Variants in HIVEP2 observed in about 807,000 individuals in gnomAD.
HIVEP2 encodes transcription factor HIVEP2.
A neutral mutation model predicts 180.7 loss-of-function variants in HIVEP2; 14 were observed. The observed-to-expected ratio is 0.08, with a 90% CI of 0.05 to 0.12. HIVEP2 has a LOEUF of 0.12. HIVEP2 is among the 10% of genes least tolerant of loss of function. The probability of loss-of-function intolerance (pLI) is 1.00; values close to 1 mark genes in which losing one functional copy is unlikely to be tolerated. For synonymous variants in HIVEP2, 1,184 were observed against 1,136.4 expected (o/e 1.04, Z -0.84); for missense variants, 2,579 against 3,008.5 (o/e 0.86, Z 3.34).
chr6:142,754,012 T>TCACCCATTCACA, intron 9 of HIVEP2, 81 bp from the exon 10 acceptor site: 1 of 697,130 alleles, frequency 1.4e-6, no homozygotes, highest in East Asian at 2.6e-5. Context: ...ATTCATTCAC[T>TCACCCATTCACA]CACCCATTCA....
At chr6:142,859,297 G>C (rs1028744632) in intron 1 of HIVEP2, among the ~76,000 whole-genome samples, 2 of 151,794 alleles carry the variant, frequency 1.3e-5, no homozygotes, top group Non-Finnish European at 2.9e-5. Context: ...GGGAGACTCC[G>C]TCTCTACAAA....
chr6:142,904,241 C>A (rs951259188), intron 1 of HIVEP2, among the ~76,000 whole-genome samples: 1 of 152,200 alleles, frequency 6.6e-6, no homozygotes, highest in African/African-American at 2.4e-5. Flanking sequence ...TTGTTCCCCA[C>A]TTGTCACACT....
chr6:142,901,823 C>A (rs1345597899), intron 1 of HIVEP2, among the ~76,000 whole-genome samples: 2 of 152,096 alleles, frequency 1.3e-5, no homozygotes. Context: ...TTCGTCTTAA[C>A]CAGAACAGCA....
At chr6:142,775,156 C>T in intron 4 of HIVEP2, 31 bp from the exon 5 acceptor site, 1 of 639,644 alleles carries the variant, frequency 1.6e-6, no homozygotes, top group Non-Finnish European at 1.9e-6. Context: ...AAGAGATTGT[C>T]ATAACAGTTT....
At chr6:142,855,824 C>A (rs1394501438) in intron 1 of HIVEP2, among the ~76,000 whole-genome samples, 1 of 152,100 alleles carries the variant, frequency 6.6e-6, no homozygotes, top group Admixed American at 6.5e-5. Context: ...CACAGATTTC[C>A]AAAATCTCAG....
At chr6:142,876,874 A>ACACG (rs1366795355) in intron 1 of HIVEP2, among the ~76,000 whole-genome samples, 2 of 151,954 alleles carry the variant, frequency 1.3e-5, no homozygotes, top group Non-Finnish European at 2.9e-5. Context: ...ACACACACAC[A>ACACG]CACACACAAA....
At position 142,774,261 on chromosome 6, in the gene HIVEP2, G is replaced by C. The variant is rs200228489; in HGVS notation, c.478C>G (p.Pro160Ala). The C allele has an allele frequency of 2.2e-5, 36 of 1,614,156 alleles. No individual in the cohort carries two copies. In the Middle Eastern group the frequency reaches 8.2e-4, roughly 37 times the overall value. The change falls in exon 5 of 10, where the codon CCT becomes GCT. Residue 160 changes from proline to alanine, a missense_variant. Coordinates refer to ENST00000367603, the MANE Select transcript of HIVEP2 (RefSeq NM_006734.4). The surrounding 1 kb of genome is among the most constrained non-coding windows in gnomAD (Gnocchi z 5.1). ...TTCTGGGAGTATTGGCTATAAGCAGGGTTCAGACTTGAAATCTTTTTTCTA... is the reference window on the plus strand; with the variant it reads ...TTCTGGGAGTATTGGCTATAAGCAGCGTTCAGACTTGAAATCTTTTTTCTA... Reference protein sequence around the residue: ...YPRKKISSLNPAYSQYSQKSI... With the variant: ...YPRKKISSLNAAYSQYSQKSI...
At position 142,753,692 on chromosome 6, in the gene HIVEP2, T is replaced by C. The variant is rs1323548986; in HGVS notation, c.6756A>G (p.Thr2252=). 1 of 1,614,018 alleles carries C rather than the reference T, an allele frequency of 6.2e-7. No homozygotes were observed. The highest frequency in any genetic ancestry group is 8.5e-7 in the Non-Finnish European group (1 of 1,179,990). ...CAAAGCCCTCCATTGGCAGGGGCAA[T>C]GTGGGTGAAGGATGTAAACTGGAAA... ...PALSSLHPSP[T]LPLPMEGFEE... is the part of the protein sequence containing the mutation. The change falls in exon 10 of 10, where the codon ACA becomes ACG. Residue 2252 remains threonine, a synonymous_variant. Transcript: ENST00000367603.
intron 1 of HIVEP2, among the ~76,000 whole-genome samples, chr6:142,916,312 T>C (rs1314100471): frequency 2.6e-5 from 4 of 152,206 alleles, no homozygotes; most frequent in African/African-American, 9.6e-5. Context: ...CATCCCCATG[T>C]CTGAACAACT....
intron 1 of HIVEP2, among the ~76,000 whole-genome samples, chr6:142,862,308 G>T (rs1006017911): frequency 6.6e-6 from 1 of 151,390 alleles, no homozygotes; most frequent in African/African-American, 2.4e-5. Flanking sequence ...TATTGCATTT[G>T]CTACATTAGC....
At chr6:142,835,387 A>C (rs1003614539) in intron 2 of HIVEP2, among the ~76,000 whole-genome samples, 3 of 152,188 alleles carry the variant, frequency 2.0e-5, no homozygotes, top group Non-Finnish European at 2.9e-5. Flanking sequence ...AGGTACCACC[A>C]ATTTAAATGT....
chr6:142,819,457 C>T (rs1001418085), intron 2 of HIVEP2, among the ~76,000 whole-genome samples: 1 of 151,880 alleles, frequency 6.6e-6, no homozygotes, highest in Non-Finnish European at 1.5e-5. Flanking sequence ...TAATGTTTTC[C>T]AAAAGGAAAA....
chr6:142,780,756 T>C (rs1260470215), intron 3 of HIVEP2, among the ~76,000 whole-genome samples: 2 of 152,180 alleles, frequency 1.3e-5, no homozygotes, highest in East Asian at 3.9e-4. Context: ...GTTTGAAAGT[T>C]TCTCTGCTAC....
chr6:142,901,372 C>T (rs1342389146), intron 1 of HIVEP2, among the ~76,000 whole-genome samples: 1 of 152,142 alleles, frequency 6.6e-6, no homozygotes, highest in East Asian at 1.9e-4. Flanking sequence ...ATTCTGATTA[C>T]TATTTTTCAA....
At chr6:142,848,115 C>T (rs1045326427) in intron 1 of HIVEP2, among the ~76,000 whole-genome samples, 1 of 152,154 alleles carries the variant, frequency 6.6e-6, no homozygotes, top group African/African-American at 2.4e-5. Flanking sequence ...ATCCTAACAA[C>T]ATAAGGATTC....
chr6:142,866,789 T>C (rs107118), intron 1 of HIVEP2, among the ~76,000 whole-genome samples: 96,278 of 152,044 alleles, frequency 0.63, 30,949 homozygotes, highest in African/African-American at 0.68. Flanking sequence ...TTCATTTTAC[T>C]CTAATGGGGT....
chr6:142,772,974 T>G lies in HIVEP2; in HGVS notation c.1765A>C (p.Met589Leu), dbSNP rs1441033756. Residue 589 changes from methionine to leucine, a missense_variant, in exon 5 of 10, where the codon ATG becomes CTG. By Grantham distance (15) the Met-to-Leu change is conservative (BLOSUM62 2). This residue lies in a region of HIVEP2 where 524 missense variants were observed against 563.6 expected (regional missense o/e 0.93). Transcript: ENST00000367603. The surrounding 1 kb of genome is among the most constrained non-coding windows in gnomAD (Gnocchi z 4.9). ...PGTVGIPPQR[M>L]LRRQAAFELP... ...TCAAATGCCGCTTGTCTTCTTAGCA[T>G]GCGCTGAGGGGGTATGCCCACGGTC... 6.2e-7 allele frequency: 1 copy of G among 1,614,196 alleles called. No homozygotes were observed. The highest frequency in any genetic ancestry group is 8.5e-7 in the Non-Finnish European group (1 of 1,180,040).
In HIVEP2 at chr6:142,945,150, G is replaced by A. The variant is rs1464544374; in HGVS notation, c.-692C>T. 7 of 149,676 alleles carry A rather than the reference G, an allele frequency of 4.7e-5. No homozygotes were observed. The highest frequency in any genetic ancestry group is 4.0e-4 in the Admixed American group (6 of 15,098). The allele number at this position is 149,676 out of a possible 1,614,324, so 9.3% of individuals were successfully genotyped here. On this transcript the variant is annotated 5_prime_UTR_variant, in exon 1 of 10. Coordinates refer to ENST00000367603, the MANE Select transcript of HIVEP2 (RefSeq NM_006734.4). This position sits in a 1 kb window ranked among gnomAD's most constrained non-coding sequence, Gnocchi z 5.5. ...GCAGCCGCAGCGGTGGCCGGGCCGT[G>A]CGCGCCGGTGCACGTCGCTCATTAG...
At position 142,769,891 on chromosome 6, in the gene HIVEP2, G is replaced by A. The variant is rs13205157; in HGVS notation, c.4848C>T (p.Ser1616=). 33 of 1,613,944 alleles carry A rather than the reference G, an allele frequency of 2.0e-5. No homozygotes were observed. The highest frequency in any genetic ancestry group is 1.1e-4 in the East Asian group (5 of 44,892). ...GMLVRMASAP[S]GNVADSTLLL... ...GAAGAGTTGAGTCTGCCACGTTCCC[G>A]CTGGGGGCAGAGGCCATGCGGACCA... is the stretch of plus-strand genomic sequence containing the variant. Residue 1616 remains serine (S), a synonymous_variant, in exon 5 of 10, where the codon AGC becomes AGT. Coordinates refer to ENST00000367603, the MANE Select transcript of HIVEP2 (RefSeq NM_006734.4).
Sources: allele counts gnomAD v4.1 joint callset (sites outside exome capture counted in the v4.1 genomes callset), GRCh38; gene constraint gnomAD v4.1.1; regional missense constraint gnomAD v4.1.1; non-coding constraint Gnocchi (gnomAD v3.1); transcripts MANE v1.5; gene names NCBI Gene and HGNC (gene_info 2026-07-23, HGNC 2026-07-21).